Variants in TTC27 observed in about 807,000 individuals in gnomAD.
TTC27 encodes the protein tetratricopeptide repeat domain 27, also known as tetratricopeptide repeat protein 27.
TTC27 carries 79 observed loss-of-function variants against 115.9 expected under a neutral mutation model. The ratio of observed to expected loss-of-function variants is 0.68; its 90% CI spans 0.57 to 0.82. TTC27 has a LOEUF of 0.82. TTC27 is among the 40% of genes least tolerant of loss of function. The probability of loss-of-function intolerance (pLI) is 0.00; values close to 1 mark genes in which losing one functional copy is unlikely to be tolerated. For synonymous variants in TTC27, 401 were observed against 356.0 expected, an observed-to-expected ratio of 1.13 and a Z score of -1.42; for missense variants, 1,054 against 993.1, an observed-to-expected ratio of 1.06 and a Z score of -0.82.
chr2:32,685,276 CTT>C (rs1666592315), intron 9 of TTC27, among the ~76,000 whole-genome samples: 1 of 152,134 alleles, frequency 6.6e-6, no homozygotes, highest in Admixed American at 6.6e-5. Context: ...GTGATCTGCA[CTT>C]CTTGGCCTCC....
intron 12 of TTC27, among the ~76,000 whole-genome samples, chr2:32,742,885 G>C (rs1668691179): frequency 6.6e-6 from 1 of 152,120 alleles, no homozygotes; most frequent in Non-Finnish European, 1.5e-5. Flanking sequence ...TTGTGTGTGT[G>C]TGCGCACACA....
rs892600878 is a variant in TTC27 at position 32,758,976 on chromosome 2, A to C, written c.1680+457A>C. 7.6e-4 allele frequency among the ~76,000 whole-genome samples: 115 copies of C among 152,234 alleles called. 2 individuals carry two copies. Among genetic ancestry groups the C allele is most frequent in the Non-Finnish European group, 4.0e-4 (27 of 68,050 alleles). On this transcript the variant is annotated intron_variant, in intron 13 of 19. Coordinates refer to ENST00000317907, the MANE Select transcript of TTC27 (RefSeq NM_017735.5). ...TTAAGAAAAACGTGTATTTATATAC[A>C]CACAAATACATTTAAATGTTTAAAA...
chr2:32,820,847 T>C lies in TTC27; in HGVS notation c.2441T>C (p.Met814Thr), dbSNP rs1048778706. 3.9e-6 allele frequency: 6 copies of C among 1,540,832 alleles called. No homozygotes were observed. Among genetic ancestry groups the C allele is most frequent in the Non-Finnish European group, 5.3e-6 (6 of 1,139,930 alleles). Residue 814 changes from methionine to threonine, a missense_variant, in exon 20 of 20, where the codon ATG (methionine) becomes ACG (threonine). Transcript: ENST00000317907. Reference sequence around the variant, plus strand: ...TTTACAGATGTGGCAACTGGAGAAATGTCCAGGGAATTAGCTGATGACATA... The same window carrying C: ...TTTACAGATGTGGCAACTGGAGAAACGTCCAGGGAATTAGCTGATGACATA... ...QLFTDVATGEMSRELADDITA... is the reference protein window; with the variant it reads ...QLFTDVATGETSRELADDITA...
chr2:32,768,237 TGTA>T (rs1669706846), intron 13 of TTC27, among the ~76,000 whole-genome samples: 1 of 152,230 alleles, frequency 6.6e-6, no homozygotes, highest in African/African-American at 2.4e-5. Context: ...TTTACTTTAA[TGTA>T]GTTTTATTTT....
intron 10 of TTC27, among the ~76,000 whole-genome samples, chr2:32,731,462 C>A (rs907176264): frequency 1.3e-5 from 2 of 152,092 alleles, no homozygotes; most frequent in African/African-American, 4.8e-5. Context: ...GCAGCCTTGA[C>A]CTCCTTGGGC....
rs36120062 is a variant in TTC27, at chr2:32,723,971, C to CTTTTTTTTTTTTTTTTTTTTTTTTTTT, written c.1234-9840_1234-9839insTTTTTTTTTTTTTTTTTTTTTTTTTTT. Among the ~76,000 whole-genome samples, 35 of 92,408 alleles carry CTTTTTTTTTTTTTTTTTTTTTTTTTTT rather than the reference C, an allele frequency of 3.8e-4. 5 individuals are homozygous for CTTTTTTTTTTTTTTTTTTTTTTTTTTT. The highest frequency in any genetic ancestry group is 2.9e-3 in the South Asian group (6 of 2,034). 60.6% of individuals were successfully genotyped at this position (92,408 alleles called of 152,430 possible). A position where few individuals can be genotyped will look rare whatever the true frequency, so the allele number is the denominator to read the frequency against. ...TGAGCCACCAGCTGGCATACATAAG[C>CTTTTTTTTTTTTTTTTTTTTTTTTTTT]TTTTTTTTTTTTTTTTTATAGAAAG... is the stretch of plus-strand genomic sequence containing the variant. On this transcript the variant is annotated intron_variant, in intron 10 of 19. Transcript: ENST00000317907.
Position 32,733,939 on chromosome 2 carries a change from G to A in TTC27, c.1329+16G>A. The A allele has an allele frequency of 6.4e-7, 1 of 1,570,370 alleles. No homozygotes were observed. The highest frequency in any genetic ancestry group is 1.1e-5 in the South Asian group (1 of 88,012). Reference sequence around the variant, plus strand: ...GGCCATTCAGGTATTTCTGTTGTTTGTCATTGGGTATGGAAATTACTTGGC... The same window carrying A: ...GGCCATTCAGGTATTTCTGTTGTTTATCATTGGGTATGGAAATTACTTGGC... On this transcript the variant is annotated intron_variant, in intron 11 of 19. Coordinates refer to ENST00000317907, the MANE Select transcript of TTC27 (RefSeq NM_017735.5).
At position 32,817,507 on chromosome 2, in the gene TTC27, A is replaced by G. The variant is rs746702587; in HGVS notation, c.2359A>G (p.Met787Val). The change falls in exon 19 of 20, where the codon ATG (methionine) becomes GTG (valine). Residue 787 changes from methionine (M) to valine (V), a missense_variant. By Grantham distance (21) the Met-to-Val change is conservative. Coordinates refer to ENST00000317907, the MANE Select transcript of TTC27 (RefSeq NM_017735.5). ...NKSSSQEAVQ[M>V]LSSVRLNLRG... ...ATCCAGTTCCCAAGAAGCTGTACAAATGCTTTCTTCTGTTCGACTCAATTT... is the reference window on the plus strand; with the variant it reads ...ATCCAGTTCCCAAGAAGCTGTACAAGTGCTTTCTTCTGTTCGACTCAATTT... The G allele has an allele frequency of 6.2e-7, 1 of 1,614,134 alleles. No individual in the cohort carries two copies. Among genetic ancestry groups the G allele is most frequent in the East Asian group, 2.2e-5 (1 of 44,854 alleles).
At chr2:32,765,188 G>C (rs1013884273) in intron 13 of TTC27, among the ~76,000 whole-genome samples, 2 of 152,130 alleles carry the variant, frequency 1.3e-5, no homozygotes, top group Non-Finnish European at 2.9e-5. Context: ...CTTGTGAAAT[G>C]TATTTCTCAA....
intron 13 of TTC27, among the ~76,000 whole-genome samples, chr2:32,760,683 G>C (rs559887421): frequency 1.5e-4 from 23 of 152,182 alleles, no homozygotes; most frequent in Admixed American, 9.8e-4. Context: ...TCATATCCTT[G>C]CATATCTTGG....
intron 16 of TTC27, among the ~76,000 whole-genome samples, chr2:32,801,845 G>A (rs995283508): frequency 1.3e-5 from 2 of 152,192 alleles, no homozygotes; most frequent in Non-Finnish European, 1.5e-5. Context: ...TGACGAAAGA[G>A]CTGATGAGAC....
chr2:32,726,715 C>G (rs1668119509), intron 10 of TTC27, among the ~76,000 whole-genome samples: 1 of 152,170 alleles, frequency 6.6e-6, no homozygotes, highest in Non-Finnish European at 1.5e-5. Flanking sequence ...TGTATCTTTC[C>G]AGCAGCAACC....
intron 16 of TTC27, among the ~76,000 whole-genome samples, chr2:32,801,136 C>A (rs1476355091): frequency 1.3e-5 from 2 of 152,082 alleles, no homozygotes; most frequent in Admixed American, 1.3e-4. Flanking sequence ...AGGAGAGTGC[C>A]CTCGGAAGAG....
At position 32,777,353 on chromosome 2, in the gene TTC27, A is replaced by G. The variant is rs987930791; in HGVS notation, c.1681-529A>G. ...GCCCCCAACCCCAATACCAAAATCC[A>G]TGATGCTCAAGTCCATTGTATAAAA... On this transcript the variant is annotated intron_variant, in intron 13 of 19. Transcript: ENST00000317907. Among the ~76,000 whole-genome samples, 6 of 152,378 alleles carry G rather than the reference A, an allele frequency of 3.9e-5. No homozygotes were observed. In the East Asian group the frequency reaches 7.7e-4, roughly 20 times the overall value.
chr2:32,754,901 C>G (rs548617878), intron 12 of TTC27, among the ~76,000 whole-genome samples: 4 of 151,216 alleles, frequency 2.6e-5, no homozygotes, highest in South Asian at 2.1e-4. Flanking sequence ...CCCTCCCGGA[C>G]GGGGTGGCTG....
Position 32,746,241 on chromosome 2 carries a change from A to G in TTC27, c.1452+9425A>G, listed in dbSNP as rs555486274. Among the ~76,000 whole-genome samples the G allele has an allele frequency of 3.9e-4, 60 of 152,194 alleles. 1 individual carries two copies. The South Asian group carries it at 0.012, about 31-fold the overall frequency. On this transcript the variant is annotated intron_variant, in intron 12 of 19. Transcript: ENST00000317907. ...TTTTTATTATTTTTAATAGACATTT[A>G]GATATAAAGTTTCTTGCATCCTATA...
chr2:32,661,887 T>C (rs1209800334), intron 5 of TTC27, among the ~76,000 whole-genome samples: 1 of 152,224 alleles, frequency 6.6e-6, no homozygotes, highest in Non-Finnish European at 1.5e-5. Context: ...CCATTCAGTA[T>C]GATATTGGCT....
At chr2:32,657,990 C>T (rs1665393709) in intron 5 of TTC27, among the ~76,000 whole-genome samples, 1 of 152,170 alleles carries the variant, frequency 6.6e-6, no homozygotes, top group South Asian at 2.1e-4. Flanking sequence ...CCAGCACGCC[C>T]AGCTAATTTT....
intron 14 of TTC27, chr2:32,780,053 G>T (rs998968135): frequency 2.2e-6 from 1 of 462,568 alleles, no homozygotes; most frequent in African/African-American, 2.0e-5. Flanking sequence ...ATTGACTATA[G>T]GTCTGTGCAT....
Sources: allele counts gnomAD v4.1 joint callset (sites outside exome capture counted in the v4.1 genomes callset), GRCh38; gene constraint gnomAD v4.1.1; transcripts MANE v1.5; gene names NCBI Gene and HGNC (gene_info 2026-07-23, HGNC 2026-07-21).